Variants in ANG observed in about 807,000 individuals in gnomAD.
The protein encoded by ANG is angiogenin.
For synonymous variants in ANG, 74 were observed against 73.8 expected (o/e 1.00, Z -0.02); for missense variants, 178 against 187.4 (o/e 0.95, Z 0.29).
At chr14:20,690,208 C>A (rs1207762872) in intron 1 of ANG, among the ~76,000 whole-genome samples, 1 of 96,516 alleles carries the variant, frequency 1.0e-5, no homozygotes, top group Non-Finnish European at 1.8e-5. Flanking sequence ...GGCGACAGAG[C>A]GAGACTCCGT....
chr14:20,691,175 A>G (rs112875279), intron 1 of ANG, among the ~76,000 whole-genome samples: 294 of 152,298 alleles, frequency 1.9e-3, no homozygotes, highest in African/African-American at 6.8e-3. Context: ...GGTATTTCCT[A>G]GAGAAGACAT....
chr14:20,692,631 C>T (rs1333854155), intron 1 of ANG, among the ~76,000 whole-genome samples: 1 of 152,194 alleles, frequency 6.6e-6, no homozygotes, highest in Non-Finnish European at 1.5e-5. Context: ...CTATCTGAAC[C>T]AGAACAATTT....
intron 1 of ANG, among the ~76,000 whole-genome samples, chr14:20,692,196 T>A (rs1886792287): frequency 6.6e-6 from 1 of 152,254 alleles, no homozygotes; most frequent in African/African-American, 2.4e-5. Flanking sequence ...AATTTGAAGA[T>A]CAGATTTTTC....
chr14:20,685,069 C>T (rs1045522396), upstream of ANG, among the ~76,000 whole-genome samples: 6 of 152,184 alleles, frequency 3.9e-5, no homozygotes, highest in African/African-American at 7.2e-5. Context: ...TGCACTTGCC[C>T]ACAACTAAGA....
At position 20,694,016 on chromosome 14, in the gene ANG, G is replaced by A; in HGVS notation, c.*8G>A. 7.4e-6 allele frequency: 12 copies of A among 1,614,040 alleles called. No individual in the cohort carries two copies. Among genetic ancestry groups the A allele is most frequent in the Non-Finnish European group, 9.3e-6 (11 of 1,179,992 alleles). ...ATTTTCCGTCGTCCGTAACCAGCGG[G>A]CCCCTGGTCAAGTGCTGGCTCTGCT... On this transcript the variant is annotated 3_prime_UTR_variant, in exon 2 of 2. Coordinates refer to ENST00000397990, the MANE Select transcript of ANG (RefSeq NM_001097577.3).
rs745961752 is a variant in ANG at position 20,693,600 on chromosome 14, C to CGTGCTG, written c.38_43dup (p.Val13_Leu14dup). The CGTGCTG allele has an allele frequency of 1.4e-5, 23 of 1,613,748 alleles. No individual in the cohort carries two copies. Among genetic ancestry groups the CGTGCTG allele is most frequent in the Middle Eastern group, 3.5e-4 (2 of 5,750 alleles). On this transcript the variant is annotated inframe_insertion, in exon 2 of 2. Coordinates refer to ENST00000397990, the MANE Select transcript of ANG (RefSeq NM_001097577.3). ...GCCTGGGCGTTTTGTTGTTGGTCTT[C>CGTGCTG]GTGCTGGGTCTGGGTCTGACCCCAC...
In ANG at chr14:20,694,165, A is replaced by G; in HGVS notation, c.*157A>G. ...TTTGACAACATGTTTAATAAATAAAAATGTCTTGATATCAGTAAGAATCAG... is the reference window on the plus strand; with the variant it reads ...TTTGACAACATGTTTAATAAATAAAGATGTCTTGATATCAGTAAGAATCAG... On this transcript the variant is annotated 3_prime_UTR_variant, in exon 2 of 2. Transcript: ENST00000397990. The G allele has an allele frequency of 1.3e-6, 1 of 789,718 alleles. No individual in the cohort carries two copies. The highest frequency in any genetic ancestry group is 2.6e-5 in the East Asian group (1 of 37,838). The allele number at this position is 789,718 out of a possible 1,614,324, so 48.9% of individuals were successfully genotyped here.
chr14:20,685,519 G>A (rs1290129689), upstream of ANG, among the ~76,000 whole-genome samples: 2 of 152,166 alleles, frequency 1.3e-5, no homozygotes, highest in Non-Finnish European at 2.9e-5. Context: ...CCCAGAAGCA[G>A]CCTCAGGTAT....
At chr14:20,686,602 C>T (rs1316599703), upstream of ANG, among the ~76,000 whole-genome samples, 1 of 152,080 alleles carries the variant, frequency 6.6e-6, no homozygotes, top group African/African-American at 2.4e-5. Context: ...GGCACAAAGC[C>T]CAGAGTTGGT....
intron 1 of ANG, among the ~76,000 whole-genome samples, chr14:20,692,698 C>T (rs1334554592): frequency 1.3e-5 from 2 of 152,202 alleles, no homozygotes; most frequent in Non-Finnish European, 2.9e-5. Context: ...CAAAAATGAT[C>T]CCTGGTGCCA....
At chr14:20,693,502 T>C in intron 1 of ANG, 45 bp from the exon 2 acceptor site, 1 of 1,603,660 alleles carries the variant, frequency 6.2e-7, no homozygotes, top group Non-Finnish European at 8.5e-7. Flanking sequence ...CCTAATTTGG[T>C]GATGCTGTTC....
chr14:20,693,477 C>A (rs1178854764), intron 1 of ANG, 70 bp from the exon 2 acceptor site: 4 of 1,586,926 alleles, frequency 2.5e-6, no homozygotes, highest in Non-Finnish European at 3.4e-6. Flanking sequence ...GAGAGCAAAG[C>A]TCCTGTCCTT....
At chr14:20,689,376 G>C (rs1886585621) in intron 1 of ANG, among the ~76,000 whole-genome samples, 1 of 152,216 alleles carries the variant, frequency 6.6e-6, no homozygotes, top group South Asian at 2.1e-4. Flanking sequence ...AAGCAATAAA[G>C]GGATGAATAT....
Position 20,694,045 on chromosome 14 carries a change from C to T in ANG, c.*37C>T, listed in dbSNP as rs1179112495. On this transcript the variant is annotated 3_prime_UTR_variant, in exon 2 of 2. Transcript: ENST00000397990. ...CTGGTCAAGTGCTGGCTCTGCTGTC[C>T]TTGCCTTCCATTTCCCCTCTGCACC... 4 of 1,611,936 alleles carry T rather than the reference C, an allele frequency of 2.5e-6. No individual in the cohort carries two copies. The highest frequency in any genetic ancestry group is 3.4e-6 in the Non-Finnish European group (4 of 1,178,058).
intron 1 of ANG, 140 bp downstream of exon 1, chr14:20,689,014 T>C: frequency 3.1e-6 from 1 of 320,264 alleles, no homozygotes; most frequent in Non-Finnish European, 4.5e-6. Flanking sequence ...AAGTTTAAAA[T>C]GAAAACAGGT....
At chr14:20,693,027 T>G (rs1441049834) in intron 1 of ANG, among the ~76,000 whole-genome samples, 4 of 151,214 alleles carry the variant, frequency 2.6e-5, no homozygotes, top group Non-Finnish European at 3.0e-5. Flanking sequence ...TTTTGTATTT[T>G]TAGTAGAGAC....
At chr14:20,689,527 T>G (rs1886596847) in intron 1 of ANG, among the ~76,000 whole-genome samples, 2 of 152,338 alleles carry the variant, frequency 1.3e-5, no homozygotes, top group South Asian at 2.1e-4. Context: ...ATTTGATGAA[T>G]CTTTTGAATA....
rs960652805 is a variant in ANG at position 20,688,797 on chromosome 14, A to G, written c.-96A>G. 13 of 985,294 alleles carry G rather than the reference A, an allele frequency of 1.3e-5. No homozygotes were observed. The African/African-American group carries it at 2.3e-4, about 17-fold the overall frequency. The allele number at this position is 985,294 out of a possible 1,614,324, so 61.0% of individuals were successfully genotyped here. A position where few individuals can be genotyped will look rare whatever the true frequency, so the allele number is the denominator to read the frequency against. Reference sequence around the variant, plus strand: ...CTCCAGGTTCACACAACTGGAACCCATCTCCAGGAACAAACAGCTGGAACC... The same window carrying G: ...CTCCAGGTTCACACAACTGGAACCCGTCTCCAGGAACAAACAGCTGGAACC... On this transcript the variant is annotated 5_prime_UTR_variant, in exon 1 of 2. Transcript: ENST00000397990.
At chr14:20,689,925 A>AC (rs1440474314) in intron 1 of ANG, among the ~76,000 whole-genome samples, 1 of 151,122 alleles carries the variant, frequency 6.6e-6, no homozygotes, top group East Asian at 1.9e-4. Flanking sequence ...CAAAAAAAAA[A>AC]AAAAAACAGG....
Sources: gnomAD v4.1 joint callset for allele counts (sites outside exome capture counted in the v4.1 genomes callset) on GRCh38, gnomAD v4.1.1 for gene constraint, MANE v1.5 for transcripts, NCBI Gene and HGNC (gene_info 2026-07-23, HGNC 2026-07-21) for gene names.